The following ZSWIM6 variants were observed in gnomAD, a reference collection of about 807,000 sequenced individuals.
ZSWIM6 encodes zinc finger SWIM-type containing 6.
Under a neutral mutation model 113.2 loss-of-function variants are expected in ZSWIM6, and 9 were observed. That is an observed-to-expected ratio of 0.08 (90% confidence interval 0.05 to 0.14). ZSWIM6 has a LOEUF of 0.14. Ranked by LOEUF, ZSWIM6 falls within the 10% of genes least tolerant of loss-of-function variation. The pLI is 1.00. For missense variants in ZSWIM6, 1,162 were observed against 1,552.2 expected, an observed-to-expected ratio of 0.75 and a Z score of 4.22; for synonymous variants, 611 against 606.5, an observed-to-expected ratio of 1.01 and a Z score of -0.11.
At chr5:61,366,381 G>A (rs2112060922) in intron 1 of ZSWIM6, among the ~76,000 whole-genome samples, 1 of 152,306 alleles carries the variant, frequency 6.6e-6, no homozygotes, top group African/African-American at 2.4e-5. Context: ...AAGTTTATGT[G>A]TAGGTCTGAA....
rs1193594104 is a variant in ZSWIM6 at position 61,545,578 on chromosome 5, A to G, written c.*1261A>G. 3.9e-5 allele frequency: 6 copies of G among 152,168 alleles called. No individual in the cohort carries two copies. The highest frequency in any genetic ancestry group is 1.3e-4 in the Admixed American group (2 of 15,268). The allele number at this position is 152,168 out of a possible 1,614,324, so 9.4% of individuals were successfully genotyped here. A position where few individuals can be genotyped will look rare whatever the true frequency, so the allele number is the denominator to read the frequency against. On this transcript the variant is annotated 3_prime_UTR_variant, in exon 14 of 14. Transcript: ENST00000252744. ...GCACAAATAACATTATATATATTAT[A>G]TATCTATTCTGCATAGGTATTTTGA...
At chr5:61,334,034 C>T (rs945150421) in intron 1 of ZSWIM6, among the ~76,000 whole-genome samples, 1 of 152,218 alleles carries the variant, frequency 6.6e-6, no homozygotes, top group Admixed American at 6.5e-5. Context: ...TTTCAGTTTT[C>T]TGTCACCCTC....
chr5:61,537,463 TCAG>T (rs893564986), intron 10 of ZSWIM6, among the ~76,000 whole-genome samples: 1 of 152,138 alleles, frequency 6.6e-6, no homozygotes, highest in African/African-American at 2.4e-5. Context: ...AAGGTCATCT[TCAG>T]CACTCATTTT....
At chr5:61,486,804 TG>T (rs984116506) in intron 2 of ZSWIM6, among the ~76,000 whole-genome samples, 1 of 152,118 alleles carries the variant, frequency 6.6e-6, no homozygotes, top group Non-Finnish European at 1.5e-5. Flanking sequence ...GGGGTTTTTT[TG>T]TTTGATTTCC....
intron 1 of ZSWIM6, among the ~76,000 whole-genome samples, chr5:61,470,853 A>G (rs1416784064): frequency 2.0e-5 from 3 of 152,214 alleles, no homozygotes; most frequent in African/African-American, 7.2e-5. Flanking sequence ...CTGACTAAGA[A>G]TGATCAAGGT....
intron 4 of ZSWIM6, among the ~76,000 whole-genome samples, chr5:61,505,601 A>ACCTTCCTTCCTTCCTTCCTTCCTTCCTT (rs1223688678): frequency 2.6e-5 from 2 of 77,790 alleles, no homozygotes; most frequent in Non-Finnish European, 2.6e-5. Context: ...TCTATGATTT[A>ACCTTCCTTCCTTCCTTCCTTCCTTCCTT]CCTTCCTTCC....
chr5:61,463,689 G>A (rs921360872), intron 1 of ZSWIM6, among the ~76,000 whole-genome samples: 9 of 152,160 alleles, frequency 5.9e-5, no homozygotes, highest in Admixed American at 2.6e-4. Context: ...TGAGCTTCCC[G>A]TTTAGCTTGA....
At chr5:61,470,754 A>G (rs987145293) in intron 1 of ZSWIM6, among the ~76,000 whole-genome samples, 3 of 152,222 alleles carry the variant, frequency 2.0e-5, no homozygotes, top group African/African-American at 7.2e-5. Flanking sequence ...TGAAGCAGTA[A>G]TAGTGACTTG....
intron 1 of ZSWIM6, among the ~76,000 whole-genome samples, chr5:61,449,909 G>A (rs1747051416): frequency 6.6e-6 from 1 of 152,226 alleles, no homozygotes; most frequent in Non-Finnish European, 1.5e-5. Flanking sequence ...AAGGATGACT[G>A]AATGTATGAA....
chr5:61,384,150 A>G (rs879562615), intron 1 of ZSWIM6, among the ~76,000 whole-genome samples: 37 of 149,520 alleles, frequency 2.5e-4, no homozygotes, highest in Non-Finnish European at 4.6e-4. Flanking sequence ...CTGAGGCAGG[A>G]GAATGGCGTG....
Position 61,539,580 on chromosome 5 carries a change from C to T in ZSWIM6, c.2540-16C>T. The T allele has an allele frequency of 1.3e-6, 2 of 1,545,150 alleles. No homozygotes were observed. The highest frequency in any genetic ancestry group is 1.2e-5 in the South Asian group (1 of 83,266). ...CTTTGATTTGGTTTGGTTTGGTTTT[C>T]CCTTGTTCATTGCAGGCGATGTTCG... On this transcript the variant is annotated splice_polypyrimidine_tract_variant and intron_variant, in intron 11 of 13. Transcript: ENST00000252744.
At chr5:61,366,632 T>C (rs985819834) in intron 1 of ZSWIM6, among the ~76,000 whole-genome samples, 2 of 152,180 alleles carry the variant, frequency 1.3e-5, no homozygotes, top group Admixed American at 1.3e-4. Flanking sequence ...TAGTTGATAA[T>C]GTATTTGAAA....
intron 1 of ZSWIM6, among the ~76,000 whole-genome samples, chr5:61,400,713 A>G (rs1322555768): frequency 6.6e-6 from 1 of 152,110 alleles, no homozygotes; most frequent in African/African-American, 2.4e-5. Context: ...TGAACCTTTC[A>G]TCTGCTCTGG....
chr5:61,449,086 C>T (rs1207728285), intron 1 of ZSWIM6, among the ~76,000 whole-genome samples: 1 of 152,158 alleles, frequency 6.6e-6, no homozygotes, highest in Admixed American at 6.5e-5. Context: ...AGAATGTTGA[C>T]TCCTGGTAAG....
intron 1 of ZSWIM6, among the ~76,000 whole-genome samples, chr5:61,361,551 C>G (rs983973500): frequency 2.0e-5 from 3 of 152,152 alleles, no homozygotes; most frequent in Non-Finnish European, 4.4e-5. Flanking sequence ...ATTATTAAGA[C>G]CAAGAGTACT....
intron 1 of ZSWIM6, among the ~76,000 whole-genome samples, chr5:61,461,186 C>T (rs1476211326): frequency 1.3e-5 from 2 of 152,182 alleles, no homozygotes. Flanking sequence ...GCCAAAGCCA[C>T]CAGGTCATTT....
intron 1 of ZSWIM6, among the ~76,000 whole-genome samples, chr5:61,387,819 G>A (rs895251073): frequency 6.6e-6 from 1 of 151,608 alleles, no homozygotes; most frequent in Non-Finnish European, 1.5e-5. Flanking sequence ...GTTGAGGCAG[G>A]AGAATTGCTT....
intron 1 of ZSWIM6, among the ~76,000 whole-genome samples, chr5:61,344,050 C>T (rs1052869136): frequency 6.6e-6 from 1 of 152,008 alleles, no homozygotes; most frequent in African/African-American, 2.4e-5. Flanking sequence ...CGTGCCACCA[C>T]GCCTGGCTAA....
intron 1 of ZSWIM6, among the ~76,000 whole-genome samples, chr5:61,359,124 C>G (rs920973199): frequency 2.4e-4 from 36 of 152,154 alleles, no homozygotes; most frequent in African/African-American, 7.5e-4. Flanking sequence ...GAAGTTAGCT[C>G]TCAATGAGAT....
Sources: allele counts gnomAD v4.1 joint callset (sites outside exome capture counted in the v4.1 genomes callset), GRCh38; gene constraint gnomAD v4.1.1; transcripts MANE v1.5; gene names NCBI Gene and HGNC (gene_info 2026-07-23, HGNC 2026-07-21).